The following TTC28 variants were observed in gnomAD, a reference collection of about 807,000 sequenced individuals.
TTC28 encodes tetratricopeptide repeat protein 28.
TTC28 carries 61 observed loss-of-function variants against 198.0 expected under a neutral mutation model. That is an observed-to-expected ratio of 0.31 (90% CI 0.25 to 0.38). The LOEUF is 0.38. TTC28 is among the 10% of genes least tolerant of loss of function. The pLI is 1.00. For missense variants in TTC28, 2,678 were observed against 3,164.0 expected, an observed-to-expected ratio of 0.85 and a Z score of 3.69; for synonymous variants, 1,171 against 1,297.8, an observed-to-expected ratio of 0.90 and a Z score of 2.10.
intron 6 of TTC28, among the ~76,000 whole-genome samples, chr22:28,109,133 G>A (rs1474814943): frequency 6.6e-6 from 1 of 152,192 alleles, no homozygotes; most frequent in East Asian, 1.9e-4. Flanking sequence ...ACAAAAGATT[G>A]CATAACAATA....
chr22:28,248,883 G>A (rs1296314471), intron 5 of TTC28, among the ~76,000 whole-genome samples: 2 of 152,022 alleles, frequency 1.3e-5, no homozygotes, highest in East Asian at 3.9e-4. Context: ...CATTTAGCAG[G>A]GGGGGAAATA....
At chr22:28,566,112 T>C (rs2049964930) in intron 2 of TTC28, among the ~76,000 whole-genome samples, 1 of 152,186 alleles carries the variant, frequency 6.6e-6, no homozygotes, top group Non-Finnish European at 1.5e-5. Flanking sequence ...CCTGCTTTTG[T>C]ATGGCCTCCA....
intron 13 of TTC28, among the ~76,000 whole-genome samples, chr22:28,016,624 C>T (rs945634085): frequency 6.6e-6 from 1 of 152,192 alleles, no homozygotes; most frequent in African/African-American, 2.4e-5. Flanking sequence ...GGGGGAGTGC[C>T]ATGCCCCCAG....
intron 5 of TTC28, among the ~76,000 whole-genome samples, chr22:28,202,467 A>G (rs942664320): frequency 6.6e-6 from 1 of 151,722 alleles, no homozygotes; most frequent in African/African-American, 2.4e-5. Context: ...AATCTGGGAG[A>G]CAAAGGTTGC....
chr22:28,252,047 T>C (rs985454093), intron 5 of TTC28, among the ~76,000 whole-genome samples: 1 of 152,198 alleles, frequency 6.6e-6, no homozygotes, highest in African/African-American at 2.4e-5. Context: ...TTTGGTATCA[T>C]AACTTGCGCA....
chr22:28,074,754 C>A (rs561624243), intron 12 of TTC28, among the ~76,000 whole-genome samples: 1 of 152,042 alleles, frequency 6.6e-6, no homozygotes, highest in Non-Finnish European at 1.5e-5. Flanking sequence ...TATCCCCCCC[C>A]ATGTACAATG....
At chr22:28,217,111 G>C (rs2147193621) in intron 5 of TTC28, among the ~76,000 whole-genome samples, 1 of 152,188 alleles carries the variant, frequency 6.6e-6, no homozygotes, top group East Asian at 1.9e-4. Context: ...GAGATTTGCT[G>C]CAACAAGTTA....
At chr22:28,395,329 C>T (rs571197128) in intron 2 of TTC28, among the ~76,000 whole-genome samples, 81 of 152,160 alleles carry the variant, frequency 5.3e-4, no homozygotes, top group Non-Finnish European at 9.8e-4. Context: ...TTCCCTCCTT[C>T]TTCTATCCCT....
At chr22:28,254,948 G>A (rs983026209) in intron 5 of TTC28, among the ~76,000 whole-genome samples, 3 of 152,168 alleles carry the variant, frequency 2.0e-5, no homozygotes, top group African/African-American at 7.2e-5. Context: ...TAGGAACACT[G>A]TATCCAGTGA....
chr22:28,193,565 A>C (rs1569189956), intron 5 of TTC28, among the ~76,000 whole-genome samples: 1 of 152,216 alleles, frequency 6.6e-6, no homozygotes, highest in Non-Finnish European at 1.5e-5. Context: ...ACACACACAT[A>C]AGCTCAAAAT....
At chr22:28,547,170 A>G (rs1348411150) in intron 2 of TTC28, among the ~76,000 whole-genome samples, 5 of 152,074 alleles carry the variant, frequency 3.3e-5, no homozygotes, top group Admixed American at 2.6e-4. Flanking sequence ...TACTTCAATA[A>G]AGTGATTTTT....
intron 2 of TTC28, among the ~76,000 whole-genome samples, chr22:28,506,675 TA>T (rs2048617969): frequency 6.6e-6 from 1 of 152,204 alleles, no homozygotes; most frequent in Admixed American, 6.5e-5. Context: ...AACAGATTAG[TA>T]ATCCCCTGGG....
chr22:28,540,182 A>G (rs2049382421), intron 2 of TTC28, among the ~76,000 whole-genome samples: 2 of 151,880 alleles, frequency 1.3e-5, no homozygotes, highest in South Asian at 4.1e-4. Flanking sequence ...TCCTGACCTC[A>G]TGATCCGCCC....
chr22:28,116,030 T>G (rs762843438), intron 6 of TTC28, among the ~76,000 whole-genome samples: 2 of 152,188 alleles, frequency 1.3e-5, no homozygotes, highest in Non-Finnish European at 2.9e-5. Flanking sequence ...AATGTATTAT[T>G]TATTTGCTAT....
At chr22:28,182,769 C>T (rs1923825872) in intron 5 of TTC28, among the ~76,000 whole-genome samples, 2 of 152,162 alleles carry the variant, frequency 1.3e-5, no homozygotes, top group Admixed American at 6.5e-5. Flanking sequence ...AACCTCTATC[C>T]CCTGTTGAAT....
Position 28,105,532 on chromosome 22 carries a change from C to A in TTC28, c.3054G>T (p.Gln1018His), listed in dbSNP as rs1942268909. 2 of 1,551,552 alleles carry A rather than the reference C, an allele frequency of 1.3e-6. No homozygotes were observed. Among genetic ancestry groups the A allele is most frequent in the African/African-American group, 1.4e-5 (1 of 73,016 alleles). ...CTATCTGTAGATCAAGCTGGTGGTA[C>A]TGCAGGGCTGTGTCATACTCCCCCA... ...QQMGEYDTAL[Q>H]YHQLDLQIAE... The change falls in exon 8 of 23, where the codon CAG becomes CAT. Residue 1018 changes from glutamine (Q) to histidine (H), a missense_variant. This residue lies in a region of TTC28 where 727 missense variants were observed against 861.9 expected (regional missense o/e 0.84). Transcript: ENST00000397906.
chr22:28,198,320 CA>C (rs1256463860), intron 5 of TTC28, among the ~76,000 whole-genome samples: 1 of 152,030 alleles, frequency 6.6e-6, no homozygotes, highest in Non-Finnish European at 1.5e-5. Context: ...CAGACATTGC[CA>C]AATGTGCCCC....
chr22:28,015,138 T>C (rs1228678971), intron 13 of TTC28, among the ~76,000 whole-genome samples: 1 of 152,176 alleles, frequency 6.6e-6, no homozygotes, highest in East Asian at 1.9e-4. Flanking sequence ...TTTGGAAAAT[T>C]TTCCCCAAGC....
intron 5 of TTC28, among the ~76,000 whole-genome samples, chr22:28,171,118 G>A (rs1922634939): frequency 6.6e-6 from 1 of 151,984 alleles, no homozygotes; most frequent in Admixed American, 6.6e-5. Flanking sequence ...ATGTTACATG[G>A]TTTCTAGAAT....
Sources: gnomAD v4.1 joint callset for allele counts (sites outside exome capture counted in the v4.1 genomes callset) on GRCh38, gnomAD v4.1.1 for gene constraint, gnomAD v4.1.1 regional missense constraint, MANE v1.5 for transcripts, NCBI Gene and HGNC (gene_info 2026-07-23, HGNC 2026-07-21) for gene names.